The following RREB1 variants were observed in gnomAD, a reference collection of about 807,000 sequenced individuals.
The protein encoded by RREB1 is ras-responsive element-binding protein 1.
Under a neutral mutation model 117.8 loss-of-function variants are expected in RREB1, and 27 were observed. The observed-to-expected ratio is 0.23, with a 90% CI of 0.17 to 0.32. The LOEUF (loss-of-function observed/expected upper bound fraction) is 0.32. RREB1 is among the 10% of genes least tolerant of loss of function. The pLI is 1.00. For missense variants in RREB1, 2,577 were observed against 2,378.2 expected (o/e 1.08, Z -1.74); for synonymous variants, 1,298 against 1,026.7 (o/e 1.26, Z -5.05).
At chr6:7,208,264 TC>T (rs1009040810) in intron 6 of RREB1, among the ~76,000 whole-genome samples, 8 of 152,194 alleles carry the variant, frequency 5.3e-5, no homozygotes, top group South Asian at 2.1e-4. Context: ...TGGCTGCACT[TC>T]CTGTGAGCTT....
chr6:7,230,728 C>G lies in RREB1; in HGVS notation c.2629C>G (p.Pro877Ala). 6.2e-7 allele frequency: 1 copy of G among 1,601,040 alleles called. No individual in the cohort carries two copies. The highest frequency in any genetic ancestry group is 8.5e-7 in the Non-Finnish European group (1 of 1,172,638). ...NGFLHRGPTQ[P>A]PPPHVSIKLE... ...CTTTCTTCACAGGGGCCCCACCCAG[C>G]CTCCACCTCCCCATGTCTCGATCAA... is the stretch of plus-strand genomic sequence containing the variant. The change falls in exon 10 of 13, where the codon CCT (proline) becomes GCT (alanine). Residue 877 changes from proline (P) to alanine (A), a missense_variant. Coordinates refer to ENST00000379938, the MANE Select transcript of RREB1 (RefSeq NM_001003699.4).
At chr6:7,188,760 TGA>T (rs1387854389) in intron 5 of RREB1, among the ~76,000 whole-genome samples, 1 of 152,216 alleles carries the variant, frequency 6.6e-6, no homozygotes, top group African/African-American at 2.4e-5. Context: ...ACGGCAGGCC[TGA>T]GTCATCAAAT....
At chr6:7,122,008 A>G (rs980974985) in intron 1 of RREB1, among the ~76,000 whole-genome samples, 3 of 152,190 alleles carry the variant, frequency 2.0e-5, no homozygotes, top group Non-Finnish European at 4.4e-5. Context: ...ACTTGGATGC[A>G]TGGCCCATCC....
At chr6:7,211,250 C>T (rs1422479033) in intron 7 of RREB1, among the ~76,000 whole-genome samples, 4 of 115,088 alleles carry the variant, frequency 3.5e-5, no homozygotes. Flanking sequence ...TTTGTCCTCA[C>T]TTTTTTATTA....
At chr6:7,215,303 A>T (rs1163542962) in intron 8 of RREB1, 1 of 152,248 alleles carries the variant, frequency 6.6e-6, no homozygotes, top group Non-Finnish European at 1.5e-5. Flanking sequence ...AATCTGGGCC[A>T]CGCACGTCCT....
Position 7,170,308 on chromosome 6 carries a change from A to C in RREB1, c.-284-6347A>C, listed in dbSNP as rs556015095. Among the ~76,000 whole-genome samples the C allele has an allele frequency of 3.3e-5, 5 of 152,318 alleles. No individual in the cohort carries two copies. In the South Asian group the frequency reaches 1.0e-3, roughly 32 times the overall value. ...GGTGAGCAGTTTCCAAGGCTGTAAG[A>C]GGGAACCCCAGGGCTGCGTGTCTCC... On this transcript the variant is annotated intron_variant, in intron 1 of 12. Coordinates refer to ENST00000379938, the MANE Select transcript of RREB1 (RefSeq NM_001003699.4).
chr6:7,165,180 AGAG>A (rs1763866905), intron 1 of RREB1, among the ~76,000 whole-genome samples: 1 of 152,188 alleles, frequency 6.6e-6, no homozygotes, highest in Non-Finnish European at 1.5e-5. Context: ...CATTGTTCCA[AGAG>A]GCTCTGGAGG....
At chr6:7,119,439 T>G (rs969194768) in intron 1 of RREB1, among the ~76,000 whole-genome samples, 3 of 151,848 alleles carry the variant, frequency 2.0e-5, no homozygotes, top group African/African-American at 7.3e-5. Flanking sequence ...CCTTTGTGTG[T>G]GGGGGAGGAG....
chr6:7,143,947 C>G (rs1346702060), intron 1 of RREB1, among the ~76,000 whole-genome samples: 1 of 128,286 alleles, frequency 7.8e-6, no homozygotes, highest in African/African-American at 3.0e-5. Flanking sequence ...TACATTTTTT[C>G]AAATGTAAGT....
intron 8 of RREB1, among the ~76,000 whole-genome samples, chr6:7,221,031 G>C (rs1456712954): frequency 1.3e-5 from 2 of 152,176 alleles, no homozygotes; most frequent in Admixed American, 6.5e-5. Context: ...TGGGGCCTTG[G>C]GAAGGCTGGA....
intron 10 of RREB1, among the ~76,000 whole-genome samples, chr6:7,233,575 T>G (rs567517460): frequency 6.6e-6 from 1 of 152,330 alleles, no homozygotes; most frequent in Non-Finnish European, 1.5e-5. Flanking sequence ...GTTCTTGGGA[T>G]TTACTAAAAA....
intron 1 of RREB1, among the ~76,000 whole-genome samples, chr6:7,112,467 C>T (rs1761191699): frequency 6.6e-6 from 1 of 152,126 alleles, no homozygotes; most frequent in South Asian, 2.1e-4. Flanking sequence ...TGTTTCTTTT[C>T]TCTCTTTCTT....
At chr6:7,142,210 C>G (rs953263350) in intron 1 of RREB1, among the ~76,000 whole-genome samples, 14 of 146,724 alleles carry the variant, frequency 9.5e-5, no homozygotes, top group African/African-American at 3.7e-4. Flanking sequence ...AGTGAAACTC[C>G]GTCTTAATTT....
At chr6:7,134,401 G>C (rs2113364184) in intron 1 of RREB1, among the ~76,000 whole-genome samples, 1 of 152,296 alleles carries the variant, frequency 6.6e-6, no homozygotes, top group South Asian at 2.1e-4. Flanking sequence ...GGAATGATGT[G>C]ATGTGTCCTT....
At chr6:7,146,946 A>G (rs1361545611) in intron 1 of RREB1, among the ~76,000 whole-genome samples, 1 of 152,192 alleles carries the variant, frequency 6.6e-6, no homozygotes, top group African/African-American at 2.4e-5. Flanking sequence ...CTGTTTTAGA[A>G]TGAAACCGTA....
intron 10 of RREB1, among the ~76,000 whole-genome samples, chr6:7,239,141 C>T (rs940925279): frequency 3.3e-5 from 5 of 152,214 alleles, no homozygotes; most frequent in African/African-American, 9.7e-5. Context: ...AGGCTTCTAT[C>T]GACATTAATC....
chr6:7,231,897 C>G lies in RREB1; in HGVS notation c.3798C>G (p.Leu1266=). The G allele has an allele frequency of 6.3e-7, 1 of 1,598,946 alleles. No individual in the cohort carries two copies. The highest frequency in any genetic ancestry group is 8.5e-7 in the Non-Finnish European group (1 of 1,170,200). ...CCAGCTCCCTACAGAGGCACATGCT[C>G]ACACACACTGGTAAGAGGGCCACCG... ...PWASSLQRHM[L]THTGQKPFPC... The change falls in exon 10 of 13, where the codon CTC becomes CTG. Residue 1266 remains leucine, a synonymous_variant. Transcript: ENST00000379938.
At position 7,230,151 on chromosome 6, in the gene RREB1, C is replaced by T. The variant is rs916815830; in HGVS notation, c.2052C>T (p.Ala684=). ...GCGACTACATCGCCGCCGACAAGGC[C>T]GCGCTCATCCGCCACCTGCGCACGC... ...NICDYIAADK[A]ALIRHLRTHS... is the part of the protein sequence containing the mutation. Residue 684 remains alanine, a synonymous_variant, in exon 10 of 13, where the codon GCC becomes GCT. Coordinates refer to ENST00000379938, the MANE Select transcript of RREB1 (RefSeq NM_001003699.4). The T allele has an allele frequency of 1.5e-5, 24 of 1,606,014 alleles. No homozygotes were observed. The highest frequency in any genetic ancestry group is 2.2e-5 in the East Asian group (1 of 44,828).
chr6:7,189,417 A>G, intron 6 of RREB1, 95 bp downstream of exon 6: 1 of 1,160,966 alleles, frequency 8.6e-7, no homozygotes, highest in Non-Finnish European at 1.2e-6. Context: ...ACTTGCCTAA[A>G]GGTACAGAGA....
Sources: allele counts gnomAD v4.1 joint callset (sites outside exome capture counted in the v4.1 genomes callset), GRCh38; gene constraint gnomAD v4.1.1; transcripts MANE v1.5; gene names NCBI Gene and HGNC (gene_info 2026-07-23, HGNC 2026-07-21).